Variants in ALK observed in about 807,000 individuals in gnomAD.
ALK encodes ALK receptor tyrosine kinase.
In ALK, 74 loss-of-function variants were observed where a neutral mutation model predicts 163.1. That is an observed-to-expected ratio of 0.45 (90% CI 0.38 to 0.55). The LOEUF is 0.55. Ranked by LOEUF, ALK falls within the 20% of genes least tolerant of loss-of-function variation. The pLI, the probability that ALK is intolerant of heterozygous loss-of-function variation, is 0.00. For synonymous variants in ALK, 960 were observed against 843.2 expected (o/e 1.14, Z -2.40); for missense variants, 2,063 against 2,105.3 (o/e 0.98, Z 0.39).
chr2:29,601,034 C>T (rs1675367096), intron 3 of ALK, among the ~76,000 whole-genome samples: 1 of 152,230 alleles, frequency 6.6e-6, no homozygotes, highest in Non-Finnish European at 1.5e-5. Flanking sequence ...TTTATGATTC[C>T]TTTCTGGAAG....
At chr2:29,706,975 A>ATGTG (rs766564449) in intron 2 of ALK, among the ~76,000 whole-genome samples, 15,503 of 102,586 alleles carry the variant, frequency 0.15, 1,618 homozygotes, top group Non-Finnish European at 0.17. Context: ...CTCATGCAGA[A>ATGTG]TGTGTGTGTG....
chr2:29,278,345 T>C (rs1432667949), intron 9 of ALK, among the ~76,000 whole-genome samples: 2 of 152,266 alleles, frequency 1.3e-5, no homozygotes, highest in East Asian at 1.9e-4. Flanking sequence ...GGAGAGCCAC[T>C]GGAGGTTTCT....
intron 1 of ALK, among the ~76,000 whole-genome samples, chr2:29,831,019 A>AGGAAGGGGAAGG (rs1558508449): frequency 1.1e-4 from 4 of 37,236 alleles, no homozygotes; most frequent in African/African-American, 2.9e-4. Context: ...GAAGGGGAAG[A>AGGAAGGGGAAGG]GGAAGGGGAA....
At chr2:29,308,235 T>C (rs1397361022) in intron 8 of ALK, among the ~76,000 whole-genome samples, 2 of 152,192 alleles carry the variant, frequency 1.3e-5, no homozygotes, top group East Asian at 3.8e-4. Flanking sequence ...AGGATGTTTA[T>C]ATTTATATAA....
At chr2:29,462,171 T>C (rs1558334944) in intron 4 of ALK, among the ~76,000 whole-genome samples, 1 of 152,206 alleles carries the variant, frequency 6.6e-6, no homozygotes, top group Non-Finnish European at 1.5e-5. Flanking sequence ...AAGAAAGTAG[T>C]ATCTTGAAAT....
At chr2:29,738,077 T>C (rs1679944844) in intron 1 of ALK, among the ~76,000 whole-genome samples, 1 of 152,000 alleles carries the variant, frequency 6.6e-6, no homozygotes, top group Non-Finnish European at 1.5e-5. Flanking sequence ...GCTAGAAAGA[T>C]GGCTTTGGCA....
At chr2:29,681,901 C>G (rs936584046) in intron 3 of ALK, among the ~76,000 whole-genome samples, 5 of 152,162 alleles carry the variant, frequency 3.3e-5, no homozygotes, top group Admixed American at 6.6e-5. Flanking sequence ...AAATATTACT[C>G]TATTTAATTA....
intron 4 of ALK, among the ~76,000 whole-genome samples, chr2:29,486,183 T>C (rs915402371): frequency 2.0e-5 from 3 of 152,134 alleles, no homozygotes; most frequent in African/African-American, 7.2e-5. Flanking sequence ...AAATATACCA[T>C]CTTGCTCAAA....
chr2:29,566,678 A>G (rs1220735600), intron 3 of ALK, among the ~76,000 whole-genome samples: 1 of 152,240 alleles, frequency 6.6e-6, no homozygotes, highest in African/African-American at 2.4e-5. Context: ...AAGTGAATAA[A>G]AATGTATTTT....
intron 9 of ALK, among the ~76,000 whole-genome samples, chr2:29,284,051 C>T (rs1367176594): frequency 6.6e-6 from 1 of 152,172 alleles, no homozygotes; most frequent in East Asian, 1.9e-4. Flanking sequence ...AGAAGCTACT[C>T]AAGCTGGAAA....
At chr2:29,654,345 G>A (rs1319634395) in intron 3 of ALK, among the ~76,000 whole-genome samples, 1 of 152,104 alleles carries the variant, frequency 6.6e-6, no homozygotes, top group Non-Finnish European at 1.5e-5. Context: ...CTCCGTGATG[G>A]CTGTCATGCT....
At chr2:29,779,635 A>C (rs1226094797) in intron 1 of ALK, among the ~76,000 whole-genome samples, 3 of 152,210 alleles carry the variant, frequency 2.0e-5, no homozygotes, top group Non-Finnish European at 4.4e-5. Context: ...CTCCCCAAGG[A>C]AGCCAGTCTT....
chr2:29,617,703 C>T (rs980885235), intron 3 of ALK, among the ~76,000 whole-genome samples: 11 of 152,204 alleles, frequency 7.2e-5, no homozygotes, highest in Non-Finnish European at 1.5e-4. Flanking sequence ...CCCACTTGTC[C>T]TTGCTGTATC....
chr2:29,342,207 G>A (rs909021217), intron 5 of ALK, among the ~76,000 whole-genome samples: 6 of 152,148 alleles, frequency 3.9e-5, no homozygotes, highest in African/African-American at 1.4e-4. Flanking sequence ...GTTGTTGGTG[G>A]GAATGTAAAA....
Position 29,773,973 on chromosome 2 carries a change from T to G in ALK, c.668-56276A>C, listed in dbSNP as rs577770276. Among the ~76,000 whole-genome samples the G allele has an allele frequency of 2.0e-5, 3 of 152,282 alleles. No individual in the cohort carries two copies. The East Asian group carries it at 5.8e-4, about 29-fold the overall frequency. The stretch of plus-strand genomic sequence containing the variant: ...AAGATAATATTCAATGGAGAGCTAG[T>G]CTGTTGTGGAAAAGTTCTAAAAGAT... On this transcript the variant is annotated intron_variant, in intron 1 of 28. Coordinates refer to ENST00000389048, the MANE Select transcript of ALK (RefSeq NM_004304.5).
At position 29,196,757 on chromosome 2, in the gene ALK, G is replaced by T; in HGVS notation, c.4164+13C>A. 6.2e-7 allele frequency: 1 copy of T among 1,602,294 alleles called. No individual in the cohort carries two copies. The highest frequency in any genetic ancestry group is 8.6e-7 in the Non-Finnish European group (1 of 1,169,216). On this transcript the variant is annotated intron_variant, in intron 28 of 28. Transcript: ENST00000389048. ...ATAGAGTAAATGTTGACCAAAGGGA[G>T]AAAATGTTTTACCTGGGTGCAGTAT...
At chr2:29,907,723 G>C (rs537510905) in intron 1 of ALK, among the ~76,000 whole-genome samples, 1 of 151,664 alleles carries the variant, frequency 6.6e-6, no homozygotes, top group African/African-American at 2.4e-5. Context: ...AAATTACCAC[G>C]TGCATGTAAA....
At chr2:29,439,629 A>G (rs1370234944) in intron 4 of ALK, among the ~76,000 whole-genome samples, 1 of 151,868 alleles carries the variant, frequency 6.6e-6, no homozygotes, top group Non-Finnish European at 1.5e-5. Flanking sequence ...GATGTAATCA[A>G]ATTAAGGTGA....
rs184446375 is a variant in ALK at position 29,702,483 on chromosome 2, T to C, written c.788-7469A>G. ...GGTGAGGACTGAGTCAGAGGACACA[T>C]CACCAAGATCTAAGTCTGAATCTCA... On this transcript the variant is annotated intron_variant, in intron 2 of 28. Coordinates refer to ENST00000389048, the MANE Select transcript of ALK (RefSeq NM_004304.5). Among the ~76,000 whole-genome samples, 7 of 152,178 alleles carry C rather than the reference T, an allele frequency of 4.6e-5. No individual in the cohort carries two copies. In the East Asian group the frequency reaches 1.4e-3, roughly 30 times the overall value.
Sources: allele counts gnomAD v4.1 joint callset (sites outside exome capture counted in the v4.1 genomes callset), GRCh38; gene constraint gnomAD v4.1.1; transcripts MANE v1.5; gene names NCBI Gene and HGNC (gene_info 2026-07-23, HGNC 2026-07-21).